Variants in DNM3 observed in about 807,000 individuals in gnomAD.
DNM3 encodes dynamin-3.
In DNM3, 47 loss-of-function variants were observed where a neutral mutation model predicts 101.6. The observed-to-expected ratio is 0.46, with a 90% CI of 0.37 to 0.59. DNM3 has a LOEUF of 0.59. DNM3 is among the 20% of genes least tolerant of loss of function. The probability of loss-of-function intolerance (pLI) is 0.00; values close to 1 mark genes in which losing one functional copy is unlikely to be tolerated. For missense variants in DNM3, 849 were observed against 1,085.7 expected (o/e 0.78, Z 3.06); for synonymous variants, 385 against 387.9 (o/e 0.99, Z 0.09).
At chr1:172,113,084 G>A (rs1234141649) in intron 13 of DNM3, among the ~76,000 whole-genome samples, 1 of 152,114 alleles carries the variant, frequency 6.6e-6, no homozygotes, top group Non-Finnish European at 1.5e-5. Context: ...GGTATTTACT[G>A]AAAGTATAGT....
intron 2 of DNM3, among the ~76,000 whole-genome samples, chr1:171,975,491 T>C (rs2044303704): frequency 6.6e-6 from 1 of 152,206 alleles, no homozygotes; most frequent in Non-Finnish European, 1.5e-5. Flanking sequence ...ACTTCTCTAT[T>C]AGTAAAGCGT....
intron 7 of DNM3, among the ~76,000 whole-genome samples, chr1:172,040,751 T>C (rs540722695): frequency 1.1e-4 from 17 of 152,240 alleles, no homozygotes; most frequent in African/African-American, 4.1e-4. Context: ...GAAAAGTTTC[T>C]GGGAAGAACC....
chr1:172,214,751 T>A (rs2060634697), intron 14 of DNM3, among the ~76,000 whole-genome samples: 3 of 152,024 alleles, frequency 2.0e-5, no homozygotes, highest in Admixed American at 1.3e-4. Context: ...GCTGAAAAAA[T>A]TAATACTTAT....
intron 15 of DNM3, among the ~76,000 whole-genome samples, chr1:172,267,858 A>G (rs1324260497): frequency 2.0e-5 from 3 of 151,902 alleles, no homozygotes; most frequent in African/African-American, 2.4e-5. Context: ...GACTACAGGC[A>G]CCCGCCACCA....
Position 172,411,010 on chromosome 1 carries a change from T to A in DNM3, c.*3169T>A, listed in dbSNP as rs760312643. 1.0e-6 allele frequency: 1 copy of A among 985,284 alleles called. No individual in the cohort carries two copies. Among genetic ancestry groups the A allele is most frequent in the Non-Finnish European group, 1.2e-6 (1 of 829,794 alleles). The allele number at this position is 985,284 out of a possible 1,614,324, so 61.0% of individuals were successfully genotyped here. ...TAAGTATGTGTATTTTATGTCCATT[T>A]GAGTAGGTAGGTAGGTTTTAAAAAT... On this transcript the variant is annotated 3_prime_UTR_variant, in exon 21 of 21. Transcript: ENST00000627582.
At chr1:171,976,706 C>T (rs2044400056) in intron 2 of DNM3, among the ~76,000 whole-genome samples, 2 of 152,110 alleles carry the variant, frequency 1.3e-5, no homozygotes, top group African/African-American at 2.4e-5. Flanking sequence ...TTGGCGGCAA[C>T]TTGTGTATAA....
intron 15 of DNM3, among the ~76,000 whole-genome samples, chr1:172,259,023 A>G (rs1032961129): frequency 6.6e-6 from 1 of 151,810 alleles, no homozygotes; most frequent in Non-Finnish European, 1.5e-5. Context: ...ATTCAGGAGC[A>G]TATTTTTCAC....
At position 172,042,141 on chromosome 1, in the gene DNM3, A is replaced by G. The variant is rs1367589800; in HGVS notation, c.1125A>G (p.Val375=). 1.9e-6 allele frequency: 3 copies of G among 1,595,240 alleles called. No homozygotes were observed. Among genetic ancestry groups the G allele is most frequent in the Admixed American group, 3.7e-5 (2 of 54,148 alleles). Residue 375 remains valine, a synonymous_variant, in exon 8 of 21, where the codon GTA becomes GTG. Coordinates refer to ENST00000627582, the MANE Select transcript of DNM3 (RefSeq NM_015569.5). ...ATGAACGCTTTCCTTTTGAGATAGTAAAGGTTTGTGTCAAACGTTATTTTT... is the reference window on the plus strand; with the variant it reads ...ATGAACGCTTTCCTTTTGAGATAGTGAAGGTTTGTGTCAAACGTTATTTTT... ...IFHERFPFEI[V]KMEFNEKELR...
intron 2 of DNM3, among the ~76,000 whole-genome samples, chr1:171,929,171 G>A (rs770944745): frequency 1.3e-5 from 2 of 152,122 alleles, no homozygotes; most frequent in Non-Finnish European, 2.9e-5. Flanking sequence ...ACACTCCAAA[G>A]CCTGAAGGCT....
At chr1:172,088,845 T>G (rs889267478) in intron 12 of DNM3, among the ~76,000 whole-genome samples, 1 of 152,236 alleles carries the variant, frequency 6.6e-6, no homozygotes, top group Non-Finnish European at 1.5e-5. Context: ...TAGACAAGGA[T>G]AGGACACTGT....
intron 11 of DNM3, among the ~76,000 whole-genome samples, chr1:172,075,193 T>C (rs995392392): frequency 5.3e-5 from 8 of 152,170 alleles, no homozygotes; most frequent in African/African-American, 1.9e-4. Flanking sequence ...ATACGTTCTT[T>C]GTAAATTCTG....
intron 14 of DNM3, among the ~76,000 whole-genome samples, chr1:172,143,192 C>T (rs2057682259): frequency 6.6e-6 from 1 of 152,066 alleles, no homozygotes; most frequent in South Asian, 2.1e-4. Context: ...GAACTTGAGT[C>T]AATTTTTGAA....
At chr1:172,007,536 C>A (rs556382876) in intron 4 of DNM3, among the ~76,000 whole-genome samples, 31 of 152,162 alleles carry the variant, frequency 2.0e-4, no homozygotes, top group African/African-American at 7.0e-4. Context: ...TGATACAAAT[C>A]TTTCATTATA....
At chr1:172,372,084 G>A (rs2068366553) in intron 17 of DNM3, among the ~76,000 whole-genome samples, 3 of 86,496 alleles carry the variant, frequency 3.5e-5, no homozygotes, top group South Asian at 7.8e-4. Flanking sequence ...CCCCACAACA[G>A]TCCCCAGAGT....
intron 2 of DNM3, among the ~76,000 whole-genome samples, chr1:171,926,830 A>C (rs1434424753): frequency 6.6e-6 from 1 of 152,326 alleles, no homozygotes; most frequent in East Asian, 1.9e-4. Flanking sequence ...ATTCAGAAAA[A>C]GTATTTGACA....
At position 172,387,281 on chromosome 1, in the gene DNM3, T is replaced by A; in HGVS notation, c.2207T>A (p.Ile736Asn). 2 of 1,613,868 alleles carry A rather than the reference T, an allele frequency of 1.2e-6. No individual in the cohort carries two copies. The highest frequency in any genetic ancestry group is 1.6e-4 in the Middle Eastern group (1 of 6,062). Residue 736 changes from isoleucine (I) to asparagine (N), a missense_variant, in exon 19 of 21, where the codon ATT becomes AAT. Physicochemically the swap from Ile to Asn is moderately radical, Grantham distance 149. Transcript: ENST00000627582. Reference sequence around the variant, plus strand: ...GCACTGAAAGAAGCCCTTGGGATAATTGGGGACATCAGCACAGCCACCGTG... The same window carrying A: ...GCACTGAAAGAAGCCCTTGGGATAAATGGGGACATCAGCACAGCCACCGTG... ...YQALKEALGI[I>N]GDISTATVST...
intron 1 of DNM3, among the ~76,000 whole-genome samples, chr1:171,853,028 A>C (rs1409200533): frequency 6.6e-6 from 1 of 152,206 alleles, no homozygotes; most frequent in African/African-American, 2.4e-5. Flanking sequence ...TAAAAGAGTT[A>C]AGACCTCTCT....
chr1:172,330,006 C>T (rs908390936), intron 17 of DNM3, among the ~76,000 whole-genome samples: 10 of 152,126 alleles, frequency 6.6e-5, no homozygotes, highest in South Asian at 2.1e-4. Flanking sequence ...ACGAGGAAGC[C>T]GTCCTCCTTG....
At chr1:172,166,787 A>G (rs1022419730) in intron 14 of DNM3, among the ~76,000 whole-genome samples, 3 of 151,972 alleles carry the variant, frequency 2.0e-5, no homozygotes, top group Middle Eastern at 3.2e-3. Context: ...TTAATTTTCT[A>G]CTACTCTTCC....
Sources: allele counts gnomAD v4.1 joint callset (sites outside exome capture counted in the v4.1 genomes callset), GRCh38; gene constraint gnomAD v4.1.1; transcripts MANE v1.5; gene names NCBI Gene and HGNC (gene_info 2026-07-23, HGNC 2026-07-21).